The following PIKFYVE variants were observed in gnomAD, a reference collection of about 807,000 sequenced individuals.
PIKFYVE encodes the protein phosphoinositide kinase, FYVE-type zinc finger containing, also known as 1-phosphatidylinositol 3-phosphate 5-kinase.
PIKFYVE carries 122 observed loss-of-function variants against 257.9 expected under a neutral mutation model. That is an observed-to-expected ratio of 0.47 (90% CI 0.41 to 0.55). The LOEUF is 0.55. PIKFYVE is among the 20% of genes least tolerant of loss of function. The pLI is 0.00. For synonymous variants in PIKFYVE, 892 were observed against 868.9 expected (o/e 1.03, Z -0.47); for missense variants, 2,160 against 2,536.6 (o/e 0.85, Z 3.19).
chr2:208,338,646 T>G (rs768982960), intron 29 of PIKFYVE, 78 bp downstream of exon 29: 10 of 1,440,906 alleles, frequency 6.9e-6, no homozygotes, highest in African/African-American at 1.4e-5. Context: ...TTAAACTGTT[T>G]GAGCAGTTTT....
rs1167849231 is a variant in PIKFYVE at position 208,304,444 on chromosome 2, C to G, written c.1468+126C>G. On this transcript the variant is annotated intron_variant, in intron 11 of 41. Transcript: ENST00000264380. ...TATGGCTCCAACTAAATGGAAACATCTGATAGCAGTCTTTGTCTTAGATAC... is the reference window on the plus strand; with the variant it reads ...TATGGCTCCAACTAAATGGAAACATGTGATAGCAGTCTTTGTCTTAGATAC... 3 of 1,248,422 alleles carry G rather than the reference C, an allele frequency of 2.4e-6. No homozygotes were observed. The African/African-American group carries it at 4.5e-5, about 19-fold the overall frequency. 77.3% of individuals were successfully genotyped at this position (1,248,422 alleles called of 1,614,324 possible).
intron 1 of PIKFYVE, among the ~76,000 whole-genome samples, chr2:208,270,434 TC>T (rs1057385674): frequency 2.0e-5 from 3 of 152,220 alleles, no homozygotes; most frequent in African/African-American, 7.2e-5. Flanking sequence ...TTCTGTAACT[TC>T]CATCTGGTGA....
chr2:208,277,707 A>T lies in PIKFYVE; in HGVS notation c.612A>T (p.Thr204=). 1 of 1,613,562 alleles carries T rather than the reference A, an allele frequency of 6.2e-7. No individual in the cohort carries two copies. The highest frequency in any genetic ancestry group is 8.5e-7 in the Non-Finnish European group (1 of 1,179,464). Residue 204 remains threonine, a splice_region_variant and synonymous_variant, in exon 5 of 42, where the codon ACA becomes ACT. Coordinates refer to ENST00000264380, the MANE Select transcript of PIKFYVE (RefSeq NM_015040.4). ...TCCCTGGAAAATTTATGGGCTATACAGGTAAATGCATTTTATTGCCAGTTT... is the reference window on the plus strand; with the variant it reads ...TCCCTGGAAAATTTATGGGCTATACTGGTAAATGCATTTTATTGCCAGTTT... ...QEIPGKFMGY[T]GDLRACTYCR...
At chr2:208,322,388 A>AC (rs1185726646) in intron 17 of PIKFYVE, among the ~76,000 whole-genome samples, 7 of 150,638 alleles carry the variant, frequency 4.6e-5, no homozygotes, top group Admixed American at 6.6e-5. Context: ...AAAAAAAAAA[A>AC]AAAAAAAAAA....
Position 208,347,937 on chromosome 2 carries a change from A to T in PIKFYVE, c.5288A>T (p.Glu1763Val). The change falls in exon 35 of 42, where the codon GAG becomes GTG. Residue 1763 changes from glutamate (E) to valine (V), a missense_variant. Transcript: ENST00000264380. The stretch of plus-strand genomic sequence containing the variant: ...CCCGATCTCTCTTCCCAGAAGAGAG[A>T]GACCTTACGTGGAGCAGATAGTGCT... ...KSPDLSSQKR[E>V]TLRGADSAYY... 1 of 1,613,998 alleles carries T rather than the reference A, an allele frequency of 6.2e-7. No homozygotes were observed.
intron 38 of PIKFYVE, 125 bp from the exon 39 acceptor site, chr2:208,352,529 T>C: frequency 8.9e-7 from 1 of 1,125,806 alleles, no homozygotes; most frequent in Non-Finnish European, 1.2e-6. Flanking sequence ...TGAGTTTTTT[T>C]CAAAGTCCTT....
chr2:208,303,048 C>T (rs1043980101), intron 10 of PIKFYVE, among the ~76,000 whole-genome samples: 38 of 152,086 alleles, frequency 2.5e-4, no homozygotes, highest in African/African-American at 8.5e-4. Context: ...CGCCACTGCA[C>T]TCCAGCCTGG....
intron 20 of PIKFYVE, among the ~76,000 whole-genome samples, chr2:208,327,648 T>G (rs921707474): frequency 1.3e-5 from 2 of 152,120 alleles, no homozygotes; most frequent in Non-Finnish European, 2.9e-5. Context: ...AACCACAGAG[T>G]CAAACTCCGC....
intron 2 of PIKFYVE, 120 bp downstream of exon 2, chr2:208,271,811 G>T: frequency 1.0e-6 from 1 of 972,894 alleles, no homozygotes; most frequent in Non-Finnish European, 1.5e-6. Flanking sequence ...TTAATGCTGG[G>T]TCTGTAAGAA....
chr2:208,328,914 C>T (rs902953019), intron 21 of PIKFYVE, among the ~76,000 whole-genome samples: 6 of 152,202 alleles, frequency 3.9e-5, no homozygotes, highest in African/African-American at 1.4e-4. Context: ...AGTTGACACA[C>T]AAAAAGCTTG....
At chr2:208,273,986 A>T in intron 3 of PIKFYVE, 3 of 1,604,266 alleles carry the variant, frequency 1.9e-6, no homozygotes, top group Middle Eastern at 1.7e-4. Context: ...TTTCTTGACT[A>T]TTTTTTGATT....
At chr2:208,312,321 G>T (rs557585782) in intron 13 of PIKFYVE, 26 bp downstream of exon 13, 56 of 1,557,788 alleles carry the variant, frequency 3.6e-5, no homozygotes, top group Middle Eastern at 3.4e-4. Context: ...GCTGTATGTG[G>T]AATGGTGTCT....
intron 29 of PIKFYVE, among the ~76,000 whole-genome samples, 174 bp downstream of exon 29, chr2:208,338,742 C>A (rs1698416979): frequency 6.6e-6 from 1 of 151,696 alleles, no homozygotes; most frequent in African/African-American, 2.4e-5. Context: ...TAGTGTATTG[C>A]AATAAGATAA....
At chr2:208,310,949 A>G (rs1694871381) in intron 12 of PIKFYVE, among the ~76,000 whole-genome samples, 1 of 152,204 alleles carries the variant, frequency 6.6e-6, no homozygotes. Context: ...TTGTGGCTAT[A>G]GAGAAGAATA....
intron 8 of PIKFYVE, among the ~76,000 whole-genome samples, chr2:208,300,187 T>C (rs2125314011): frequency 6.6e-6 from 1 of 152,240 alleles, no homozygotes; most frequent in East Asian, 1.9e-4. Flanking sequence ...AGCTCATTAC[T>C]AATGAGGGAA....
Position 208,325,250 on chromosome 2 carries a change from CTGTTTGTTTT to C in PIKFYVE, c.2459-12_2459-3del. The C allele has an allele frequency of 1.3e-6, 2 of 1,599,650 alleles. No homozygotes were observed. The highest frequency in any genetic ancestry group is 1.7e-6 in the Non-Finnish European group (2 of 1,177,286). On this transcript the variant is annotated splice_polypyrimidine_tract_variant and intron_variant, in intron 19 of 41. Transcript: ENST00000264380. ...TTGCCACCTCCACCATCTTAACTTT[CTGTTTGTTTT>C]TGTTTGTAGAACAAACCAAGACACT...
At chr2:208,339,613 A>T in intron 30 of PIKFYVE, 58 bp downstream of exon 30, 1 of 1,581,156 alleles carries the variant, frequency 6.3e-7, no homozygotes. Context: ...AAGATATATC[A>T]TTGATTTACA....
chr2:208,339,599 C>T, intron 30 of PIKFYVE, 44 bp downstream of exon 30: 1 of 1,603,008 alleles, frequency 6.2e-7, no homozygotes, highest in Non-Finnish European at 8.5e-7. Flanking sequence ...GTATCTAAGA[C>T]TGAAAGATAT....
At chr2:208,315,099 G>A (rs1358032145) in intron 14 of PIKFYVE, 94 bp from the exon 15 acceptor site, 6 of 1,145,706 alleles carry the variant, frequency 5.2e-6, no homozygotes, top group Non-Finnish European at 7.7e-6. Context: ...TAATTGAAAT[G>A]TTTATTTCTT....
Sources: gnomAD v4.1 joint callset for allele counts (sites outside exome capture counted in the v4.1 genomes callset) on GRCh38, gnomAD v4.1.1 for gene constraint, MANE v1.5 for transcripts, NCBI Gene and HGNC (gene_info 2026-07-23, HGNC 2026-07-21) for gene names.